Variants in MECOM observed in about 807,000 individuals in gnomAD.
MECOM encodes histone-lysine N-methyltransferase MECOM.
A neutral mutation model predicts 116.3 loss-of-function variants in MECOM; 13 were observed. That is an observed-to-expected ratio of 0.11 (90% CI 0.07 to 0.18). The LOEUF is 0.18. Ranked by LOEUF, MECOM falls within the 10% of genes least tolerant of loss-of-function variation. MECOM has a pLI of 1.00. For synonymous variants in MECOM, 528 were observed against 535.2 expected (o/e 0.99, Z 0.19); for missense variants, 1,299 against 1,509.0 (o/e 0.86, Z 2.31).
intron 2 of MECOM, among the ~76,000 whole-genome samples, chr3:169,367,367 T>A (rs1729366360): frequency 6.8e-6 from 1 of 148,112 alleles, no homozygotes; most frequent in South Asian, 2.1e-4. Flanking sequence ...TTTGTGGGGG[T>A]AGGCAGAAGT....
intron 5 of MECOM, among the ~76,000 whole-genome samples, chr3:169,124,855 T>C (rs1052614674): frequency 6.6e-6 from 1 of 152,130 alleles, no homozygotes; most frequent in Non-Finnish European, 1.5e-5. Flanking sequence ...TTTTATTTTC[T>C]TTTATTTCTT....
chr3:169,142,365 C>T (rs1336263644), intron 3 of MECOM, among the ~76,000 whole-genome samples: 1 of 151,900 alleles, frequency 6.6e-6, no homozygotes, highest in African/African-American at 2.4e-5. Flanking sequence ...TGAGGTCCTC[C>T]AGTTCCTTTT....
chr3:169,160,995 G>C (rs1475878675), intron 2 of MECOM, among the ~76,000 whole-genome samples: 3 of 152,158 alleles, frequency 2.0e-5, no homozygotes, highest in African/African-American at 7.2e-5. Flanking sequence ...GGTTCTGCTG[G>C]CTGGGAGTTT....
chr3:169,144,000 T>G (rs74677551), intron 2 of MECOM, among the ~76,000 whole-genome samples, 168 bp from the exon 3 acceptor site: 4,809 of 152,246 alleles, frequency 0.032, 90 homozygotes, highest in Middle Eastern at 0.082. Context: ...ACCTTGAAAA[T>G]GACAACATAC....
At chr3:169,095,606 AC>A (rs921672572) in intron 12 of MECOM, among the ~76,000 whole-genome samples, 7 of 152,202 alleles carry the variant, frequency 4.6e-5, no homozygotes, top group African/African-American at 1.7e-4. Context: ...CAAACAAAAA[AC>A]ATTCATATAG....
Position 169,581,348 on chromosome 3 carries a change from G to A in MECOM, c.37+81988C>T, listed in dbSNP as rs561030259. ...CCATAATCAAAAGTTGACCTCCCAGGTGGCAAAAAAAAGCAGTTCCTCCAC... is the reference window on the plus strand; with the variant it reads ...CCATAATCAAAAGTTGACCTCCCAGATGGCAAAAAAAAGCAGTTCCTCCAC... On this transcript the variant is annotated intron_variant, in intron 1 of 16. Coordinates refer to ENST00000651503, the MANE Select transcript of MECOM (RefSeq NM_004991.4). 4.0e-5 allele frequency among the ~76,000 whole-genome samples: 6 copies of A among 151,826 alleles called. No homozygotes were observed. In the East Asian group the frequency reaches 1.2e-3, roughly 29 times the overall value.
At chr3:169,178,532 C>T (rs1745510664) in intron 2 of MECOM, among the ~76,000 whole-genome samples, 1 of 152,080 alleles carries the variant, frequency 6.6e-6, no homozygotes, top group African/African-American at 2.4e-5. Context: ...AATGTATAGC[C>T]AGCTAAGAAG....
At chr3:169,304,895 A>C (rs902977843) in intron 2 of MECOM, among the ~76,000 whole-genome samples, 10 of 152,226 alleles carry the variant, frequency 6.6e-5, no homozygotes, top group Non-Finnish European at 1.5e-5. Context: ...GCTTGTGCTG[A>C]GTCCCTCCTA....
intron 1 of MECOM, among the ~76,000 whole-genome samples, chr3:169,449,937 C>A (rs1471166905): frequency 1.3e-5 from 2 of 152,112 alleles, no homozygotes; most frequent in African/African-American, 4.8e-5. Context: ...TGCTGTTTTA[C>A]TTTTCCTTAT....
rs1732385466 is a variant in MECOM, at chr3:169,381,532, T to C, written c.38-8A>G. 2 of 1,555,932 alleles carry C rather than the reference T, an allele frequency of 1.3e-6. No individual in the cohort carries two copies. Among genetic ancestry groups the C allele is most frequent in the South Asian group, 1.2e-5 (1 of 82,512 alleles). ...CATATACACACTCATTATCTGTGAA[T>C]AAATAAGAACTTCATGAATTCCTTC... On this transcript the variant is annotated splice_polypyrimidine_tract_variant and splice_region_variant and intron_variant, in intron 1 of 16. Coordinates refer to ENST00000651503, the MANE Select transcript of MECOM (RefSeq NM_004991.4).
At chr3:169,658,533 C>G (rs1326456755) in intron 1 of MECOM, among the ~76,000 whole-genome samples, 1 of 152,230 alleles carries the variant, frequency 6.6e-6, no homozygotes, top group African/African-American at 2.4e-5. Context: ...GCGCCAGGCA[C>G]GCAGCCCCTC....
intron 1 of MECOM, among the ~76,000 whole-genome samples, chr3:169,616,143 C>T (rs1421077259): frequency 1.3e-5 from 2 of 152,164 alleles, no homozygotes; most frequent in Non-Finnish European, 2.9e-5. Flanking sequence ...GAGGACAATG[C>T]CCAAAGCATG....
At chr3:169,156,762 T>C (rs1742054283) in intron 2 of MECOM, among the ~76,000 whole-genome samples, 1 of 152,220 alleles carries the variant, frequency 6.6e-6, no homozygotes, top group Admixed American at 6.5e-5. Context: ...TGCAATGTTT[T>C]ATATTATTTA....
intron 2 of MECOM, among the ~76,000 whole-genome samples, chr3:169,303,719 A>G (rs1343963015): frequency 6.6e-6 from 1 of 152,224 alleles, no homozygotes; most frequent in Non-Finnish European, 1.5e-5. Context: ...CCTGTTTCCA[A>G]TACCATAAAT....
intron 1 of MECOM, among the ~76,000 whole-genome samples, chr3:169,533,333 G>A (rs1758887265): frequency 2.6e-5 from 4 of 152,148 alleles, no homozygotes; most frequent in African/African-American, 9.7e-5. Context: ...GCGGGCTCCA[G>A]GTCGTGATGG....
rs774825326 is a variant in MECOM at position 169,441,728 on chromosome 3, C to CT, written c.38-60205dup. ...GCTATGTTACACTTCTTCTTCTCTTCTTTTTTTTTTTTTTTTAAAAAAGGG... is the reference window on the plus strand; with the variant it reads ...GCTATGTTACACTTCTTCTTCTCTTCTTTTTTTTTTTTTTTTTAAAAAAGGG... On this transcript the variant is annotated intron_variant, in intron 1 of 16. Transcript: ENST00000651503. Among the ~76,000 whole-genome samples, 527 of 123,448 alleles carry CT rather than the reference C, an allele frequency of 4.3e-3. 36 individuals are homozygous for CT. Among genetic ancestry groups the CT allele is most frequent in the Middle Eastern group, 9.1e-3 (2 of 220 alleles). 81.0% of individuals were successfully genotyped at this position (123,448 alleles called of 152,430 possible). A position where few individuals can be genotyped will look rare whatever the true frequency, so the allele number is the denominator to read the frequency against.
chr3:169,146,708 G>T, intron 2 of MECOM: 1 of 1,253,066 alleles, frequency 8.0e-7, no homozygotes, highest in Non-Finnish European at 1.0e-6. Context: ...CTTTTAAAGT[G>T]AGGAGTTCTC....
intron 2 of MECOM, among the ~76,000 whole-genome samples, chr3:169,232,845 A>G (rs762479984): frequency 2.6e-5 from 4 of 151,996 alleles, no homozygotes; most frequent in Non-Finnish European, 4.4e-5. Context: ...CTTAAACTCT[A>G]GTGCCAAGCT....
chr3:169,639,675 A>C (rs1449870739), intron 1 of MECOM, among the ~76,000 whole-genome samples: 1 of 152,224 alleles, frequency 6.6e-6, no homozygotes, highest in Non-Finnish European at 1.5e-5. Flanking sequence ...AACTCTTGTA[A>C]TCAGTATAGG....
Sources: allele counts gnomAD v4.1 joint callset (sites outside exome capture counted in the v4.1 genomes callset), GRCh38; gene constraint gnomAD v4.1.1; transcripts MANE v1.5; gene names NCBI Gene and HGNC (gene_info 2026-07-23, HGNC 2026-07-21).